The following MUC4 variants were observed in gnomAD, a reference collection of about 807,000 sequenced individuals.
The protein encoded by MUC4 is mucin 4, cell surface associated, also known as mucin-4.
A neutral mutation model predicts 257.9 loss-of-function variants in MUC4; 202 were observed. That is an observed-to-expected ratio of 0.78 (90% confidence interval 0.70 to 0.88). The LOEUF (loss-of-function observed/expected upper bound fraction) is 0.88. Ranked by LOEUF, MUC4 falls within the 40% of genes least tolerant of loss-of-function variation. The pLI is 0.00. For missense variants in MUC4, 5,976 were observed against 6,513.7 expected (o/e 0.92, Z 2.84); for synonymous variants, 2,351 against 2,757.1 (o/e 0.85, Z 4.62).
chr3:195,774,920 A>T (rs1724009417), intron 3 of MUC4, among the ~76,000 whole-genome samples: 1 of 147,054 alleles, frequency 6.8e-6, no homozygotes, highest in Non-Finnish European at 1.5e-5. Flanking sequence ...AAAAAAAAAT[A>T]GACAAAAGTC....
chr3:195,751,145 G>A, intron 22 of MUC4, 33 bp from the exon 23 acceptor site: 1 of 1,511,654 alleles, frequency 6.6e-7, no homozygotes, highest in Non-Finnish European at 9.0e-7. Context: ...GGGGGGGTGG[G>A]GGGCTGGGGG....
At position 195,791,039 on chromosome 3, in the gene MUC4, T is replaced by G; in HGVS notation, c.541A>C (p.Thr181Pro). 1 of 1,613,758 alleles carries G rather than the reference T, an allele frequency of 6.2e-7. No individual in the cohort carries two copies. The highest frequency in any genetic ancestry group is 8.5e-7 in the Non-Finnish European group (1 of 1,179,812). The change falls in exon 2 of 25, where the codon ACA becomes CCA. Residue 181 changes from threonine to proline, a missense_variant. Physicochemically the swap from Thr to Pro is conservative, Grantham distance 38. This residue lies in a region of MUC4 where 1,583 missense variants were observed against 1,257.4 expected (regional missense o/e 1.26). Coordinates refer to ENST00000463781, the MANE Select transcript of MUC4 (RefSeq NM_018406.7). Reference protein sequence around the residue: ...ITAGQEGQSRTTSWRTSIQDT... With the variant: ...ITAGQEGQSRPTSWRTSIQDT... ...TGGATAGAGGTCCTCCAGGAAGTTG[T>G]TCGTGATTGTCCTTCCTGTCCAGCT...
In MUC4 at chr3:195,759,214, T is replaced by C; in HGVS notation, c.14896A>G (p.Lys4966Glu). The change falls in exon 17 of 25, where the codon AAG becomes GAG. Residue 4966 changes from lysine to glutamate, a missense_variant. Around this residue, in one of 44 missense-constraint regions of MUC4, gnomAD observed 996 missense variants for 1,137.3 expected, o/e 0.88. Coordinates refer to ENST00000463781, the MANE Select transcript of MUC4 (RefSeq NM_018406.7). ...INGGRVIEAY[K>E]GQTTLIQYTS... ...TACTGAATCAGCGTGGTCTGCCCCT[T>C]GTAGGCTTCAATCACACGACCACCA... 6.2e-7 allele frequency: 1 copy of C among 1,614,100 alleles called. No homozygotes were observed. The highest frequency in any genetic ancestry group is 8.5e-7 in the Non-Finnish European group (1 of 1,180,006).
intron 5 of MUC4, 199 bp from the exon 6 acceptor site, chr3:195,770,570 G>A (rs746516834): frequency 2.1e-5 from 13 of 621,860 alleles, no homozygotes; most frequent in Non-Finnish European, 3.1e-5. Context: ...GGCCTGCAGT[G>A]TGCAGAATGC....
At position 195,774,230 on chromosome 3, in the gene MUC4, G is replaced by T. The variant is rs748556294; in HGVS notation, c.13019C>A (p.Pro4340Gln). 4 of 1,607,720 alleles carry T rather than the reference G, an allele frequency of 2.5e-6. No individual in the cohort carries two copies. The Admixed American group carries it at 6.8e-5, about 27-fold the overall frequency. ...GAAGCCAGTCGCCGGCTTGAAGAGT[G>T]GGGAGGTGAAGTCCACGGTCCTCCT... ...FVRRTVDFTS[P>Q]LFKPATGFPL... Residue 4340 changes from proline (P) to glutamine (Q), a missense_variant, in exon 4 of 25, where the codon CCA becomes CAA. By Grantham distance (76) the Pro-to-Gln change is moderately conservative. Coordinates refer to ENST00000463781, the MANE Select transcript of MUC4 (RefSeq NM_018406.7).
At chr3:195,748,141 G>T (rs1416677141) in intron 24 of MUC4, among the ~76,000 whole-genome samples, 1 of 152,288 alleles carries the variant, frequency 6.6e-6, no homozygotes, top group Admixed American at 6.5e-5. Context: ...GAGCCCCGGG[G>T]ACTGCTGATG....
At chr3:195,811,612 C>T (rs942750232) in intron 1 of MUC4, 124 bp downstream of exon 1, 1 of 774,052 alleles carries the variant, frequency 1.3e-6, no homozygotes, top group Non-Finnish European at 2.1e-6. Context: ...TTCCTCTTCG[C>T]TGTCTCCCTT....
Position 195,746,847 on chromosome 3 carries a change from ATTTTGCTT to A in MUC4, c.*321_*328del. On this transcript the variant is annotated 3_prime_UTR_variant, in exon 25 of 25. Transcript: ENST00000463781. ...ACCAGAGAGTTTTGTGTGCAGAAGC[ATTTTGCTT>A]AACTTAGGGCCATCACCACATTATG... 1 of 394,728 alleles carries A rather than the reference ATTTTGCTT, an allele frequency of 2.5e-6. No individual in the cohort carries two copies. Among genetic ancestry groups the A allele is most frequent in the Non-Finnish European group, 4.5e-6 (1 of 221,176 alleles). The allele number at this position is 394,728 out of a possible 1,614,324, so 24.5% of individuals were successfully genotyped here.
At position 195,782,534 on chromosome 3, in the gene MUC4, A is replaced by T; in HGVS notation, c.9046T>A (p.Ser3016Thr). 1 of 1,477,744 alleles carries T rather than the reference A, an allele frequency of 6.8e-7. No homozygotes were observed. Among genetic ancestry groups the T allele is most frequent in the Non-Finnish European group, 9.1e-7 (1 of 1,103,274 alleles). 91.5% of individuals were successfully genotyped at this position (1,477,744 alleles called of 1,614,324 possible). ...GGGGTGGCGTGACCTGTGGATATTG[A>T]GGAAGTGTCGGTGACAGGAAGAGAG... ...ATSLPVTDTS[S>T]ISTGHATPLH... The change falls in exon 2 of 25, where the codon TCA becomes ACA. Residue 3016 changes from serine to threonine, a missense_variant. Ser to Thr is a moderately conservative substitution (Grantham distance 58). This residue lies in a region of MUC4 where 68 missense variants were observed against 50.2 expected (regional missense o/e 1.35). Transcript: ENST00000463781.
In MUC4 at chr3:195,757,270, T is replaced by G; in HGVS notation, c.15045A>C (p.Leu5015=). The G allele has an allele frequency of 1.2e-6, 2 of 1,613,368 alleles. No homozygotes were observed. The highest frequency in any genetic ancestry group is 1.3e-5 in the African/African-American group (1 of 75,054). ...KSLEPFTLEI[L]ARSAKIGLAS... is the part of the protein sequence containing the mutation. ...CCAAGCCAATCTTGGCACTTCTTGC[T>G]AGAATCTCCAGAGTGAATGGCTCCA... The change falls in exon 18 of 25, where the codon CTA becomes CTC. Residue 5015 remains leucine (L), a synonymous_variant. Transcript: ENST00000463781. The surrounding 1 kb of genome is among the most constrained non-coding windows in gnomAD (Gnocchi z 4.8).
intron 1 of MUC4, among the ~76,000 whole-genome samples, chr3:195,798,678 T>A (rs1734889005): frequency 6.6e-6 from 1 of 152,106 alleles, no homozygotes; most frequent in South Asian, 2.1e-4. Flanking sequence ...CACTCCTGCC[T>A]GGGTGACAGA....
rs1729107350 is a variant in MUC4 at position 195,783,035 on chromosome 3, GA to G, written c.8544del (p.Leu2849PhefsTer155). ...PSSASSGHTTPLPVTDASSVS... is the reference protein window; with the variant it reads ...PSSASSGHTTXLPVTDASSVS... ...ACTGAGGAAGCGTCGGTGACAGGAA[GA>G]GGGGTGGTGTGACCTGAGGATGCTG... On this transcript the variant is annotated frameshift_variant, in exon 2 of 25. Coordinates refer to ENST00000463781, the MANE Select transcript of MUC4 (RefSeq NM_018406.7). LOFTEE classifies it high-confidence loss of function. 3 of 1,095,784 alleles carry G rather than the reference GA, an allele frequency of 2.7e-6. No individual in the cohort carries two copies. The highest frequency in any genetic ancestry group is 8.2e-5 in the East Asian group (2 of 24,406). 67.9% of individuals were successfully genotyped at this position (1,095,784 alleles called of 1,614,324 possible). A position where few individuals can be genotyped will look rare whatever the true frequency, so the allele number is the denominator to read the frequency against.
chr3:195,795,851 G>GCT lies in MUC4; in HGVS notation c.83-4355_83-4354insAG, dbSNP rs143289110. Among the ~76,000 whole-genome samples, 3 of 126,904 alleles carry GCT rather than the reference G, an allele frequency of 2.4e-5. No homozygotes were observed. The East Asian group carries it at 6.4e-4, about 27-fold the overall frequency. The allele number at this position is 126,904 out of a possible 152,430, so 83.3% of individuals were successfully genotyped here. ...CAAGAGAAAGAAAGTGGGGGAGGGG[G>GCT]GTGGGAGGAGGGAGAGAGAGAGACA... On this transcript the variant is annotated intron_variant, in intron 1 of 24. Coordinates refer to ENST00000463781, the MANE Select transcript of MUC4 (RefSeq NM_018406.7).
chr3:195,790,576 A>G lies in MUC4; in HGVS notation c.1004T>C (p.Val335Ala). ...HQTQSVETTR[V>A]SQINTLNTLT... ...GGTGTTGAGGGTGTTGATTTGAGAT[A>G]CTCTGGTGGTCTCCACGCTCTGAGT... Residue 335 changes from valine (V) to alanine (A), a missense_variant, in exon 2 of 25, where the codon GTA becomes GCA. By Grantham distance (64) the Val-to-Ala change is moderately conservative. Coordinates refer to ENST00000463781, the MANE Select transcript of MUC4 (RefSeq NM_018406.7). The G allele has an allele frequency of 6.2e-7, 1 of 1,613,804 alleles. No homozygotes were observed. Among genetic ancestry groups the G allele is most frequent in the South Asian group, 1.1e-5 (1 of 91,066 alleles).
intron 6 of MUC4, 68 bp from the exon 7 acceptor site, chr3:195,769,220 C>T (rs567606454): frequency 5.7e-6 from 9 of 1,574,728 alleles, no homozygotes; most frequent in Admixed American, 3.6e-5. Flanking sequence ...CTTATGTCCC[C>T]CCGCCCGTCC....
At position 195,752,399 on chromosome 3, in the gene MUC4, C is replaced by G; in HGVS notation, c.15556G>C (p.Ala5186Pro). ...IQLLLSEEEN[A>P]SMAEVNASVA... ...GAGGCGTTGACTTCTGCCATGGAGG[C>G]ATTTTCCTCTTCACTGAGCAAGAGC... Residue 5186 changes from alanine to proline, a missense_variant, in exon 21 of 25, where the codon GCC becomes CCC. By Grantham distance (27) the Ala-to-Pro change is conservative (BLOSUM62 -1). Coordinates refer to ENST00000463781, the MANE Select transcript of MUC4 (RefSeq NM_018406.7). 6.2e-7 allele frequency: 1 copy of G among 1,614,094 alleles called. No homozygotes were observed. Among genetic ancestry groups the G allele is most frequent in the Non-Finnish European group, 8.5e-7 (1 of 1,179,902 alleles).
Position 195,797,196 on chromosome 3 carries a change from G to A in MUC4, c.83-5699C>T, listed in dbSNP as rs532052501. Among the ~76,000 whole-genome samples the A allele has an allele frequency of 4.6e-5, 7 of 152,150 alleles. No individual in the cohort carries two copies. In the East Asian group the frequency reaches 1.4e-3, roughly 29 times the overall value. On this transcript the variant is annotated intron_variant, in intron 1 of 24. Coordinates refer to ENST00000463781, the MANE Select transcript of MUC4 (RefSeq NM_018406.7). ...AGGCACGAGAATTGCTTGAACCCAG[G>A]AGGCAGAGATTGCAGTGAGCCGAGA...
In MUC4 at chr3:195,778,821, G is replaced by A. The variant is rs779620211; in HGVS notation, c.12759C>T (p.Ser4253=). The change falls in exon 2 of 25, where the codon TCC becomes TCT. Residue 4253 remains serine (S), a synonymous_variant. Coordinates refer to ENST00000463781, the MANE Select transcript of MUC4 (RefSeq NM_018406.7). The part of the protein sequence containing the change: ...VSSATSASTV[S]SDSPLKMETP... ...TTTCCATCTTCAGAGGGGAGTCCGA[G>A]GATACTGTGGAAGCTGAGGTAGCAC... The A allele has an allele frequency of 1.1e-5, 17 of 1,612,110 alleles. No individual in the cohort carries two copies. The Admixed American group carries it at 1.3e-4, about 13-fold the overall frequency.
rs1218915455 is a variant in MUC4, at chr3:195,771,703, C to T, written c.13191G>A (p.Pro4397=). The change falls in exon 5 of 25, where the codon CCG becomes CCA. Residue 4397 remains proline, a synonymous_variant. Transcript: ENST00000463781. ...TGRDPVALVA[P]FWDDADFSTG... ...TGGAGAAGTCAGCATCGTCCCAGAA[C>T]GGAGCCACCAGGGCCACAGGGTCCC... 28 of 1,613,884 alleles carry T rather than the reference C, an allele frequency of 1.7e-5. No individual in the cohort carries two copies. Among genetic ancestry groups the T allele is most frequent in the Non-Finnish European group, 2.3e-5 (27 of 1,179,852 alleles).
Sources: gnomAD v4.1 joint callset for allele counts (sites outside exome capture counted in the v4.1 genomes callset) on GRCh38, gnomAD v4.1.1 for gene constraint, gnomAD v4.1.1 regional missense constraint, Gnocchi (gnomAD v3.1) non-coding constraint, MANE v1.5 for transcripts, NCBI Gene and HGNC (gene_info 2026-07-23, HGNC 2026-07-21) for gene names.